PDE4B: variants seen among roughly 807,000 people sequenced by gnomAD.
PDE4B encodes 3',5'-cyclic-AMP phosphodiesterase 4B.
Under a neutral mutation model 82.2 loss-of-function variants are expected in PDE4B, and 20 were observed. The observed-to-expected ratio is 0.24, with a 90% CI of 0.17 to 0.35. PDE4B has a LOEUF of 0.35. Ranked by LOEUF, PDE4B falls within the 10% of genes least tolerant of loss-of-function variation. The pLI, the probability that PDE4B is intolerant of heterozygous loss-of-function variation, is 1.00. For missense variants in PDE4B, 655 were observed against 907.2 expected, an observed-to-expected ratio of 0.72 and a Z score of 3.57; for synonymous variants, 320 against 318.9, an observed-to-expected ratio of 1.00 and a Z score of -0.04.
rs17128466 is a variant in PDE4B, at chr1:66,153,615, G to A, written c.282-93845G>A. On this transcript the variant is annotated intron_variant, in intron 3 of 16. Coordinates refer to ENST00000341517, the MANE Select transcript of PDE4B (RefSeq NM_002600.4). The stretch of plus-strand genomic sequence containing the variant: ...TGTGCTAGCTTCTCAGGAATATGAA[G>A]ATTAATTAGACAAGTTTCCAGCACT... Among the ~76,000 whole-genome samples, 1,469 of 152,262 alleles carry A rather than the reference G, an allele frequency of 9.6e-3. 30 individuals are homozygous for A. Among genetic ancestry groups the A allele is most frequent in the African/African-American group, 0.034 (1,411 of 41,530 alleles).
chr1:66,004,093 T>G (rs1470862173), intron 3 of PDE4B, among the ~76,000 whole-genome samples: 2 of 152,034 alleles, frequency 1.3e-5, no homozygotes. Flanking sequence ...AGTAGAAAAA[T>G]TAGAAAAATT....
intron 8 of PDE4B, among the ~76,000 whole-genome samples, chr1:66,352,736 A>T (rs968935233): frequency 6.6e-5 from 10 of 152,002 alleles, no homozygotes; most frequent in Admixed American, 5.9e-4. Context: ...TCACTGCTAT[A>T]TCATCACTCT....
At position 66,206,904 on chromosome 1, in the gene PDE4B, A is replaced by T. The variant is rs77875049; in HGVS notation, c.282-40556A>T. Reference sequence around the variant, plus strand: ...ATATTATTAGGGTCAACATGAGGAAAATTCTGCATTACAGCCCAGCTTATC... The same window carrying T: ...ATATTATTAGGGTCAACATGAGGAATATTCTGCATTACAGCCCAGCTTATC... On this transcript the variant is annotated intron_variant, in intron 3 of 16. Transcript: ENST00000341517. Among the ~76,000 whole-genome samples the T allele has an allele frequency of 3.1e-3, 478 of 152,314 alleles. 1 individual carries two copies. Among genetic ancestry groups the T allele is most frequent in the African/African-American group, 0.011 (449 of 41,576 alleles).
At chr1:65,795,138 A>G (rs1052727959) in intron 1 of PDE4B, among the ~76,000 whole-genome samples, 1 of 152,224 alleles carries the variant, frequency 6.6e-6, no homozygotes, top group Non-Finnish European at 1.5e-5. Flanking sequence ...TGTACAAATA[A>G]AGGCTTGTTT....
intron 3 of PDE4B, among the ~76,000 whole-genome samples, chr1:66,125,876 G>A (rs765176714): frequency 6.6e-6 from 1 of 152,084 alleles, no homozygotes; most frequent in Non-Finnish European, 1.5e-5. Flanking sequence ...GCGTGTTCTC[G>A]ACTCACTGCA....
At chr1:65,845,633 T>A (rs1398742332) in intron 1 of PDE4B, among the ~76,000 whole-genome samples, 1 of 152,152 alleles carries the variant, frequency 6.6e-6, no homozygotes, top group Non-Finnish European at 1.5e-5. Flanking sequence ...GTATAGCTGG[T>A]CTCATATTGA....
chr1:65,796,601 T>C (rs972154915), intron 1 of PDE4B, among the ~76,000 whole-genome samples: 17 of 151,904 alleles, frequency 1.1e-4, no homozygotes, highest in Non-Finnish European at 2.2e-4. Flanking sequence ...TGAGACATTC[T>C]ATTTTTTCAT....
chr1:66,095,703 A>T (rs1263797041), intron 3 of PDE4B, among the ~76,000 whole-genome samples: 1 of 151,930 alleles, frequency 6.6e-6, no homozygotes, highest in Non-Finnish European at 1.5e-5. Flanking sequence ...TATCATATGT[A>T]TCACTCTTGC....
intron 1 of PDE4B, among the ~76,000 whole-genome samples, chr1:65,878,693 G>A (rs946590795): frequency 5.3e-5 from 8 of 152,036 alleles, no homozygotes; most frequent in Non-Finnish European, 1.0e-4. Context: ...AGAACACATG[G>A]ACACAGGGAG....
In PDE4B at chr1:66,372,398, C is replaced by A. The variant is rs1244808370; in HGVS notation, c.1931C>A (p.Thr644Asn). 6.2e-7 allele frequency: 1 copy of A among 1,614,052 alleles called. No homozygotes were observed. Among genetic ancestry groups the A allele is most frequent in the Non-Finnish European group, 8.5e-7 (1 of 1,179,960 alleles). ...VQPDAQDILD[T>N]LEDNRNWYQS... ...CCTGATGCTCAGGACATTCTCGATA[C>A]CTTAGAAGATAACAGGAACTGGTAT... Residue 644 changes from threonine (T) to asparagine (N), a missense_variant, in exon 17 of 17, where the codon ACC becomes AAC. By Grantham distance (65) the Thr-to-Asn change is moderately conservative. This residue lies in a region of PDE4B where 119 missense variants were observed against 115.2 expected (regional missense o/e 1.03). Transcript: ENST00000341517.
intron 3 of PDE4B, among the ~76,000 whole-genome samples, chr1:66,006,587 A>G (rs2100725427): frequency 6.6e-6 from 1 of 152,184 alleles, no homozygotes; most frequent in African/African-American, 2.4e-5. Context: ...GTTTGGCTGT[A>G]TCTCCACCCA....
intron 8 of PDE4B, among the ~76,000 whole-genome samples, chr1:66,337,739 G>T (rs773343230): frequency 1.6e-4 from 25 of 152,208 alleles, no homozygotes; most frequent in Non-Finnish European, 3.2e-4. Flanking sequence ...ACACATGTTA[G>T]AGGTGACCCT....
intron 7 of PDE4B, among the ~76,000 whole-genome samples, chr1:66,283,066 A>G (rs951638661): frequency 6.6e-6 from 1 of 152,168 alleles, no homozygotes; most frequent in African/African-American, 2.4e-5. Flanking sequence ...GAGTGCTGGG[A>G]AAATAAAAAG....
chr1:65,921,604 T>C (rs971132371), intron 3 of PDE4B, among the ~76,000 whole-genome samples: 2 of 152,250 alleles, frequency 1.3e-5, no homozygotes, highest in African/African-American at 4.8e-5. Context: ...TTGCAGTCTC[T>C]GTCACAACTA....
At chr1:65,926,140 C>T (rs906977015) in intron 3 of PDE4B, among the ~76,000 whole-genome samples, 1 of 152,180 alleles carries the variant, frequency 6.6e-6, no homozygotes, top group Non-Finnish European at 1.5e-5. Flanking sequence ...AACTTTTACT[C>T]TGTGTGGTAA....
intron 1 of PDE4B, among the ~76,000 whole-genome samples, chr1:65,866,391 A>C (rs1032533800): frequency 6.6e-6 from 1 of 152,192 alleles, no homozygotes; most frequent in African/African-American, 2.4e-5. Context: ...TAACACACTC[A>C]AACTCAATCA....
intron 4 of PDE4B, among the ~76,000 whole-genome samples, chr1:66,252,707 A>G (rs1271068799): frequency 6.6e-6 from 1 of 152,136 alleles, no homozygotes; most frequent in Non-Finnish European, 1.5e-5. Flanking sequence ...GCACTTTGGG[A>G]GGCTAAGGTG....
chr1:66,129,634 T>C lies in PDE4B; in HGVS notation c.282-117826T>C, dbSNP rs1442938417. Among the ~76,000 whole-genome samples the C allele has an allele frequency of 5.4e-5, 7 of 130,428 alleles. No homozygotes were observed. The Admixed American group carries it at 6.1e-4, about 11-fold the overall frequency. The allele number at this position is 130,428 out of a possible 152,430, so 85.6% of individuals were successfully genotyped here. ...GAGATCCCGCCACTGCACTCCAGCC[T>C]GGGCGACAGAGCGAGACTCCGTCTC... On this transcript the variant is annotated intron_variant, in intron 3 of 16. Coordinates refer to ENST00000341517, the MANE Select transcript of PDE4B (RefSeq NM_002600.4).
rs139409385 is a variant in PDE4B at position 65,825,267 on chromosome 1, T to C, written c.-71+32019T>C. On this transcript the variant is annotated intron_variant, in intron 1 of 16. Transcript: ENST00000341517. The stretch of plus-strand genomic sequence containing the variant: ...TGTGGACATTGTTGTGATGATATTA[T>C]ACCTGGAACTGTAGTGGTCAGTCTA... 2.5e-3 allele frequency among the ~76,000 whole-genome samples: 374 copies of C among 152,250 alleles called. 1 individual carries two copies. The highest frequency in any genetic ancestry group is 8.7e-3 in the African/African-American group (363 of 41,554).
Sources: allele counts gnomAD v4.1 joint callset (sites outside exome capture counted in the v4.1 genomes callset), GRCh38; gene constraint gnomAD v4.1.1; regional missense constraint gnomAD v4.1.1; transcripts MANE v1.5; gene names NCBI Gene and HGNC (gene_info 2026-07-23, HGNC 2026-07-21).